The following C11orf65 variants were observed in gnomAD, a reference collection of about 807,000 sequenced individuals.
The protein encoded by C11orf65 is protein MFI.
A neutral mutation model predicts 35.3 loss-of-function variants in C11orf65; 38 were observed. The ratio of observed to expected loss-of-function variants is 1.08; its 90% CI spans 0.83 to 1.41. C11orf65 has a LOEUF of 1.41. Ranked by LOEUF, C11orf65 falls within the 40% of genes most tolerant of loss-of-function variation. C11orf65 has a pLI of 0.00. For synonymous variants in C11orf65, 105 were observed against 114.4 expected (o/e 0.92, Z 0.53); for missense variants, 370 against 367.1 (o/e 1.01, Z -0.06).
At chr11:108,360,589 T>C (rs961166686) in intron 2 of C11orf65, among the ~76,000 whole-genome samples, 5 of 148,180 alleles carry the variant, frequency 3.4e-5, no homozygotes, top group Admixed American at 2.7e-4. Flanking sequence ...ATCCAAAAGC[T>C]TATCCACCAT....
At chr11:108,372,964 C>T (rs1396907606) in intron 2 of C11orf65, among the ~76,000 whole-genome samples, 1 of 151,994 alleles carries the variant, frequency 6.6e-6, no homozygotes, top group East Asian at 1.9e-4. Context: ...CTTGTAATCC[C>T]AGCTACTCAG....
At chr11:108,322,450 G>A (rs1276770719) in intron 6 of C11orf65, among the ~76,000 whole-genome samples, 4 of 152,266 alleles carry the variant, frequency 2.6e-5, no homozygotes, top group Middle Eastern at 3.4e-3. Flanking sequence ...CACCATGCCC[G>A]GCCCCCAATG....
At chr11:108,383,229 C>A in intron 8 of C11orf65, 54 bp from the exon 9 acceptor site, 1 of 1,374,550 alleles carries the variant, frequency 7.3e-7, no homozygotes, top group Non-Finnish European at 1.0e-6. Flanking sequence ...AAGATGCTCA[C>A]TCAAAATGCT....
intron 3 of C11orf65, among the ~76,000 whole-genome samples, chr11:108,414,537 C>G (rs1257804465): frequency 6.6e-6 from 1 of 151,816 alleles, no homozygotes; most frequent in East Asian, 1.9e-4. Flanking sequence ...TTTAATAGGC[C>G]TATCTCTATT....
chr11:108,349,567 G>A (rs1482678823), intron 2 of C11orf65, among the ~76,000 whole-genome samples: 1 of 152,182 alleles, frequency 6.6e-6, no homozygotes, highest in Non-Finnish European at 1.5e-5. Context: ...GGAGGCTGAG[G>A]CAGGAGAATC....
At chr11:108,378,894 C>T (rs375173760), downstream of C11orf65, among the ~76,000 whole-genome samples, 6 of 151,856 alleles carry the variant, frequency 4.0e-5, no homozygotes, top group East Asian at 3.9e-4. Flanking sequence ...TCATCACTGG[C>T]CATCAGAGAA....
rs1363195537 is a variant in C11orf65, at chr11:108,422,055, G to A, written c.174+9691C>T. Among the ~76,000 whole-genome samples, 8 of 152,036 alleles carry A rather than the reference G, an allele frequency of 5.3e-5. No individual in the cohort carries two copies. In the South Asian group the frequency reaches 1.7e-3, roughly 32 times the overall value. On this transcript the variant is annotated intron_variant, in intron 3 of 8. Transcript: ENST00000393084. ...CAAGCGATTCTCCTGTCAACCTCCC[G>A]AGTAGCTGGGACTACAGGCGCATGC...
chr11:108,426,104 C>A (rs1183701636), intron 3 of C11orf65, among the ~76,000 whole-genome samples: 1 of 152,180 alleles, frequency 6.6e-6, no homozygotes, highest in Non-Finnish European at 1.5e-5. Context: ...AGGATGCCCT[C>A]TCTTACCACT....
chr11:108,373,106 C>A (rs1224896863), intron 2 of C11orf65, among the ~76,000 whole-genome samples: 3 of 151,726 alleles, frequency 2.0e-5, no homozygotes, highest in African/African-American at 7.3e-5. Flanking sequence ...AGAAAGAAAA[C>A]TAAAGACCAA....
chr11:108,330,543 T>G (rs1000459192), downstream of C11orf65: 2 of 963,836 alleles, frequency 2.1e-6, no homozygotes, highest in Non-Finnish European at 3.3e-6. Context: ...GCTCTACACA[T>G]AAGTAGCATT....
At chr11:108,396,909 T>C (rs1026778049) in intron 6 of C11orf65, among the ~76,000 whole-genome samples, 8 of 151,328 alleles carry the variant, frequency 5.3e-5, no homozygotes, top group Admixed American at 2.6e-4. Context: ...TTAAATGGTA[T>C]AAATATTGAT....
At chr11:108,419,884 A>G (rs2092790455) in intron 3 of C11orf65, among the ~76,000 whole-genome samples, 1 of 152,228 alleles carries the variant, frequency 6.6e-6, no homozygotes, top group South Asian at 2.1e-4. Flanking sequence ...TCTATTCACC[A>G]TTACTGAAGG....
downstream of C11orf65, chr11:108,331,262 G>GA (rs1352397347): frequency 3.0e-6 from 4 of 1,347,552 alleles, no homozygotes; most frequent in Non-Finnish European, 3.8e-6. Flanking sequence ...CATTAATCTA[G>GA]AGTACCCATT....
chr11:108,437,781 TG>T (rs1299013972), intron 2 of C11orf65, among the ~76,000 whole-genome samples: 1 of 147,200 alleles, frequency 6.8e-6, no homozygotes, highest in Non-Finnish European at 1.5e-5. Flanking sequence ...ATTCACAGAT[TG>T]GAAGCCTTAG....
At chr11:108,365,012 G>A (rs2137858911) in intron 2 of C11orf65, 1 of 1,553,846 alleles carries the variant, frequency 6.4e-7, no homozygotes, top group South Asian at 1.1e-5. Context: ...TATGATACTG[G>A]TTCTACTGTT....
intron 2 of C11orf65, among the ~76,000 whole-genome samples, chr11:108,337,661 A>T (rs1244446525): frequency 6.6e-6 from 1 of 152,120 alleles, no homozygotes; most frequent in African/African-American, 2.4e-5. Flanking sequence ...ACTTCATTTT[A>T]GAACAAAGTT....
intron 2 of C11orf65, among the ~76,000 whole-genome samples, chr11:108,358,767 G>A (rs1433688011): frequency 2.0e-5 from 3 of 147,364 alleles, no homozygotes; most frequent in Non-Finnish European, 4.5e-5. Flanking sequence ...TCACCACCAG[G>A]CCTACCCTAA....
chr11:108,446,704 C>G (rs946568431), intron 2 of C11orf65, among the ~76,000 whole-genome samples: 2 of 152,142 alleles, frequency 1.3e-5, no homozygotes, highest in African/African-American at 2.4e-5. Flanking sequence ...ACCATCAAGG[C>G]TAGGAAGAAA....
At chr11:108,469,528 C>T (rs1167504341), upstream of C11orf65, among the ~76,000 whole-genome samples, 7 of 151,162 alleles carry the variant, frequency 4.6e-5, no homozygotes, top group Non-Finnish European at 8.8e-5. Flanking sequence ...GCAAAAACCG[C>T]GATTACTTTT....
Sources: gnomAD v4.1 joint callset for allele counts (sites outside exome capture counted in the v4.1 genomes callset) on GRCh38, gnomAD v4.1.1 for gene constraint, MANE v1.5 for transcripts, NCBI Gene and HGNC (gene_info 2026-07-23, HGNC 2026-07-21) for gene names.